Variants in KIF11 observed in about 807,000 individuals in gnomAD.
The protein encoded by KIF11 is kinesin family member 11, also known as kinesin-like protein KIF11.
A neutral mutation model predicts 121.0 loss-of-function variants in KIF11; 9 were observed. That is an observed-to-expected ratio of 0.07 (90% CI 0.04 to 0.13). The LOEUF is 0.13. Among genes scored for constraint, KIF11 ranks in the 10% least tolerant of loss-of-function variants. The pLI is 1.00. For synonymous variants in KIF11, 408 were observed against 421.0 expected (o/e 0.97, Z 0.38); for missense variants, 846 against 1,217.5 (o/e 0.69, Z 4.54).
intron 1 of KIF11, among the ~76,000 whole-genome samples, chr10:92,604,216 A>G (rs1014559483): frequency 1.3e-5 from 2 of 152,260 alleles, no homozygotes; most frequent in South Asian, 4.1e-4. Flanking sequence ...CTTAGAGTAC[A>G]CATAGTCCCT....
Position 92,651,511 on chromosome 10 carries a change from T to A in KIF11, c.3039+994T>A, listed in dbSNP as rs1457426956. Among the ~76,000 whole-genome samples the A allele has an allele frequency of 9.7e-4, 38 of 39,306 alleles. 3 individuals are homozygous for A. The highest frequency in any genetic ancestry group is 8.2e-3 in the African/African-American group (31 of 3,764). 25.8% of individuals were successfully genotyped at this position (39,306 alleles called of 152,430 possible). On this transcript the variant is annotated intron_variant, in intron 21 of 21. Transcript: ENST00000260731. ...CCACCATGCCTGGCTAATTTTGTTT[T>A]TTTTTTTTTTTTTTTTTTTTTTTTT...
chr10:92,595,329 G>A (rs57469300), intron 1 of KIF11, among the ~76,000 whole-genome samples: 1,527 of 152,048 alleles, frequency 0.01, 35 homozygotes, highest in African/African-American at 0.035. Context: ...CAAAGTGCTG[G>A]GATTATAGGC....
chr10:92,643,891 C>T (rs75810633), intron 17 of KIF11, among the ~76,000 whole-genome samples: 1 of 152,142 alleles, frequency 6.6e-6, no homozygotes, highest in Non-Finnish European at 1.5e-5. Flanking sequence ...TTTATATATC[C>T]CTACCTAACT....
At chr10:92,600,171 A>G (rs1350637922) in intron 1 of KIF11, among the ~76,000 whole-genome samples, 2 of 149,916 alleles carry the variant, frequency 1.3e-5, no homozygotes, top group East Asian at 2.0e-4. Flanking sequence ...TGCCCGGCCA[A>G]TTTTTGTATT....
chr10:92,597,155 C>T (rs4604791), intron 1 of KIF11: 29,491 of 269,578 alleles, frequency 0.11, 3,998 homozygotes, highest in African/African-American at 0.4. Flanking sequence ...GCAATCTTCA[C>T]TTCTCCTGAT....
At chr10:92,648,124 TA>T in intron 18 of KIF11, 87 bp from the exon 19 acceptor site, 1 of 898,650 alleles carries the variant, frequency 1.1e-6, no homozygotes, top group Admixed American at 3.2e-5. Flanking sequence ...AAAAAAAAAT[TA>T]TGGAAAAGGT....
intron 10 of KIF11, among the ~76,000 whole-genome samples, chr10:92,624,074 T>G (rs985596801): frequency 3.9e-5 from 6 of 152,196 alleles, no homozygotes; most frequent in Admixed American, 2.6e-4. Context: ...CCCAGGTGAC[T>G]ATTGTTCCCT....
rs374159901 is a variant in KIF11 at position 92,621,596 on chromosome 10, T to TTGTGTGTG, written c.1217+131_1217+138dup. On this transcript the variant is annotated intron_variant, in intron 10 of 21. Coordinates refer to ENST00000260731, the MANE Select transcript of KIF11 (RefSeq NM_004523.4). ...ATCCAGTGCCGATAAATACTTCATTTTGTGTGTGTGTGTGTTTTCTTTTGA... is the reference window on the plus strand; with the variant it reads ...ATCCAGTGCCGATAAATACTTCATTTTGTGTGTGTGTGTGTGTGTGTGTTTTCTTTTGA... The TTGTGTGTG allele has an allele frequency of 5.0e-6, 3 of 595,974 alleles. 1 individual carries two copies. The highest frequency in any genetic ancestry group is 3.9e-5 in the South Asian group (2 of 51,298). The allele number at this position is 595,974 out of a possible 1,614,324, so 36.9% of individuals were successfully genotyped here.
chr10:92,639,064 C>T (rs1470896081), intron 16 of KIF11, among the ~76,000 whole-genome samples: 3 of 152,158 alleles, frequency 2.0e-5, no homozygotes, highest in African/African-American at 7.2e-5. Flanking sequence ...GGTTCTGTAA[C>T]ATTTTTTAGC....
intron 19 of KIF11, among the ~76,000 whole-genome samples, chr10:92,649,451 C>T (rs72811231): frequency 0.033 from 5,070 of 152,202 alleles, 128 homozygotes; most frequent in Non-Finnish European, 0.053. Flanking sequence ...TATTTAACCA[C>T]CACACCACAT....
intron 4 of KIF11, among the ~76,000 whole-genome samples, chr10:92,607,649 A>G (rs1422086041): frequency 6.6e-6 from 1 of 152,162 alleles, no homozygotes; most frequent in African/African-American, 2.4e-5. Flanking sequence ...AATTAAGATG[A>G]ATGTATTGTT....
intron 19 of KIF11, 126 bp downstream of exon 19, chr10:92,648,560 C>T (rs1019263217): frequency 1.7e-6 from 1 of 605,704 alleles, no homozygotes; most frequent in Admixed American, 3.5e-5. Context: ...TCACTGTAAT[C>T]AACTCAAAAT....
chr10:92,601,283 C>G (rs1434977128), intron 1 of KIF11, among the ~76,000 whole-genome samples: 2 of 152,156 alleles, frequency 1.3e-5, no homozygotes, highest in Admixed American at 1.3e-4. Flanking sequence ...TCACTGCAAC[C>G]TACGCCTCCT....
At chr10:92,616,943 G>A (rs1054369466) in intron 9 of KIF11, 111 bp downstream of exon 9, 2 of 592,842 alleles carry the variant, frequency 3.4e-6, no homozygotes, top group East Asian at 5.9e-5. Context: ...CCCATGGAAG[G>A]CTTTTTATAT....
chr10:92,611,963 C>CT (rs1242544549), intron 6 of KIF11, among the ~76,000 whole-genome samples: 1 of 151,908 alleles, frequency 6.6e-6, no homozygotes, highest in African/African-American at 2.4e-5. Context: ...AAAATTGAAA[C>CT]TTACCAGATT....
In KIF11 at chr10:92,630,159, T is replaced by A. The variant is rs2135914554; in HGVS notation, c.1306-17T>A. 1.2e-5 allele frequency: 16 copies of A among 1,367,250 alleles called. No homozygotes were observed. Among genetic ancestry groups the A allele is most frequent in the Middle Eastern group, 2.0e-4 (1 of 4,888 alleles). 84.7% of individuals were successfully genotyped at this position (1,367,250 alleles called of 1,614,324 possible). ...TCCTACCAGCCAGCTCAGCGTTTTT[T>A]AAATTCTTATATTTAGGTTACAGAG... On this transcript the variant is annotated splice_polypyrimidine_tract_variant and intron_variant, in intron 11 of 21. Transcript: ENST00000260731.
chr10:92,593,359 T>C lies in KIF11; in HGVS notation c.-17T>C, dbSNP rs1174115277. The C allele has an allele frequency of 1.2e-6, 2 of 1,602,650 alleles. No homozygotes were observed. Among genetic ancestry groups the C allele is most frequent in the Non-Finnish European group, 1.7e-6 (2 of 1,175,572 alleles). Reference sequence around the variant, plus strand: ...CCAGGTCCGCGGCCGGGCCTTGATTTTTTGGCGGGGACCGTCATGGCGTCG... The same window carrying C: ...CCAGGTCCGCGGCCGGGCCTTGATTCTTTGGCGGGGACCGTCATGGCGTCG... On this transcript the variant is annotated 5_prime_UTR_variant, in exon 1 of 22. Transcript: ENST00000260731.
chr10:92,602,689 T>G (rs1844384397), intron 1 of KIF11, among the ~76,000 whole-genome samples: 1 of 151,994 alleles, frequency 6.6e-6, no homozygotes, highest in African/African-American at 2.4e-5. Context: ...GCTATAAATT[T>G]CCCCCTTAGC....
rs1845017944 is a variant in KIF11 at position 92,654,039 on chromosome 10, G to T, written c.*243G>T. 3.2e-6 allele frequency: 1 copy of T among 309,958 alleles called. No homozygotes were observed. Among genetic ancestry groups the T allele is most frequent in the Non-Finnish European group, 6.2e-6 (1 of 161,848 alleles). 19.2% of individuals were successfully genotyped at this position (309,958 alleles called of 1,614,324 possible). A position where few individuals can be genotyped will look rare whatever the true frequency, so the allele number is the denominator to read the frequency against. The stretch of plus-strand genomic sequence containing the variant: ...TCTCTGTTAAAAATTAGCCGGGCGT[G>T]GTGGCACACTCCTGTAATCCCAGCT... On this transcript the variant is annotated 3_prime_UTR_variant, in exon 22 of 22. Transcript: ENST00000260731.
Sources: allele counts gnomAD v4.1 joint callset (sites outside exome capture counted in the v4.1 genomes callset), GRCh38; gene constraint gnomAD v4.1.1; transcripts MANE v1.5; gene names NCBI Gene and HGNC (gene_info 2026-07-23, HGNC 2026-07-21).